Variants in FMO1 observed in about 807,000 individuals in gnomAD.
The protein encoded by FMO1 is flavin containing dimethylaniline monoxygenase 1.
FMO1 carries 36 observed loss-of-function variants against 45.4 expected under a neutral mutation model. That is an observed-to-expected ratio of 0.79 (90% CI 0.61 to 1.05). The LOEUF (loss-of-function observed/expected upper bound fraction) is 1.05, where lower values mean the gene tolerates loss of function less well. FMO1 is among the 50% of genes least tolerant of loss of function. The pLI is 0.00. For missense variants in FMO1, 615 were observed against 640.3 expected (o/e 0.96, Z 0.43); for synonymous variants, 228 against 227.2 (o/e 1.00, Z -0.03).
chr1:171,278,586 T>C (rs1661210996), intron 4 of FMO1, 143 bp from the exon 5 acceptor site: 1 of 567,326 alleles, frequency 1.8e-6, no homozygotes. Context: ...TAAAGTCATG[T>C]ATTCATATTT....
chr1:171,281,024 G>A (rs1345981299), intron 6 of FMO1, 39 bp downstream of exon 6: 6 of 1,566,224 alleles, frequency 3.8e-6, no homozygotes, highest in African/African-American at 1.4e-5. Context: ...TTAGGAAGAA[G>A]GAGCCTCTGC....
chr1:171,280,731 A>C (rs572238956), intron 5 of FMO1, 55 bp from the exon 6 acceptor site: 1 of 1,492,822 alleles, frequency 6.7e-7, no homozygotes, highest in African/African-American at 1.4e-5. Context: ...CTCTGGCAGA[A>C]CCAGCCAGCC....
chr1:171,281,172 T>G (rs1351430525), intron 6 of FMO1, among the ~76,000 whole-genome samples, 187 bp downstream of exon 6: 1 of 152,196 alleles, frequency 6.6e-6, no homozygotes, highest in Non-Finnish European at 1.5e-5. Context: ...TATTTCACCT[T>G]GTCAGCAACA....
intron 2 of FMO1, among the ~76,000 whole-genome samples, chr1:171,260,919 A>AAAT (rs1660355046): frequency 6.6e-6 from 1 of 150,810 alleles, no homozygotes; most frequent in Non-Finnish European, 1.5e-5. Flanking sequence ...TCTCAAAAAA[A>AAAT]AAAAAAAAAA....
At chr1:171,273,614 C>T (rs1660966888) in intron 3 of FMO1, among the ~76,000 whole-genome samples, 1 of 152,018 alleles carries the variant, frequency 6.6e-6, no homozygotes, top group South Asian at 2.1e-4. Context: ...CTCAAGAAAT[C>T]CTCCCACTTC....
chr1:171,278,637 C>T (rs751471414), intron 4 of FMO1, 92 bp from the exon 5 acceptor site: 6 of 976,968 alleles, frequency 6.1e-6, no homozygotes, highest in Non-Finnish European at 8.8e-6. Flanking sequence ...CCAAAATCAT[C>T]TGTCAAAAGA....
At chr1:171,272,389 C>A (rs1176280857) in intron 3 of FMO1, among the ~76,000 whole-genome samples, 1 of 152,192 alleles carries the variant, frequency 6.6e-6, no homozygotes, top group East Asian at 1.9e-4. Context: ...GTCAGAGTCC[C>A]CACACAGAGT....
intron 1 of FMO1, chr1:171,257,637 T>G (rs1205368009): frequency 2.0e-5 from 4 of 203,542 alleles, no homozygotes; most frequent in East Asian, 1.4e-4. Flanking sequence ...CTGTGTGGTG[T>G]TGTGTCAGGT....
intron 3 of FMO1, chr1:171,271,453 A>G: frequency 1.0e-6 from 1 of 987,286 alleles, no homozygotes; most frequent in Non-Finnish European, 1.6e-6. Context: ...CACCTCTCTG[A>G]GCCTTTCTTA....
At chr1:171,252,661 A>T (rs1312023439) in intron 1 of FMO1, among the ~76,000 whole-genome samples, 1 of 152,036 alleles carries the variant, frequency 6.6e-6, no homozygotes, top group African/African-American at 2.4e-5. Context: ...GGCTGCAGGG[A>T]CTTAACTTAC....
chr1:171,268,216 A>T (rs368443007), intron 3 of FMO1, among the ~76,000 whole-genome samples: 22 of 152,276 alleles, frequency 1.4e-4, no homozygotes, highest in African/African-American at 5.1e-4. Flanking sequence ...CCTCCCAAGT[A>T]GCTGGGAACA....
chr1:171,281,905 G>C, intron 6 of FMO1, 73 bp from the exon 7 acceptor site: 2 of 798,404 alleles, frequency 2.5e-6, no homozygotes, highest in South Asian at 3.6e-5. Flanking sequence ...AATGAGAGAG[G>C]GAGGTAAAGA....
At chr1:171,276,224 A>G (rs1558015058) in intron 4 of FMO1, among the ~76,000 whole-genome samples, 1 of 152,148 alleles carries the variant, frequency 6.6e-6, no homozygotes, top group Non-Finnish European at 1.5e-5. Context: ...TGATCCCAAG[A>G]CTCATCTTAC....
intron 1 of FMO1, 120 bp from the exon 2 acceptor site, chr1:171,257,962 C>G: frequency 2.7e-6 from 3 of 1,130,700 alleles, no homozygotes; most frequent in South Asian, 2.8e-5. Flanking sequence ...AGACCCGCTA[C>G]AGAAGATTCA....
chr1:171,271,128 T>G, intron 3 of FMO1: 1 of 887,502 alleles, frequency 1.1e-6, no homozygotes, highest in East Asian at 2.4e-5. Flanking sequence ...CCTTTTTGTA[T>G]TTTTCCTTTA....
chr1:171,279,811 A>G (rs1661280692), intron 5 of FMO1, among the ~76,000 whole-genome samples: 1 of 152,118 alleles, frequency 6.6e-6, no homozygotes, highest in African/African-American at 2.4e-5. Context: ...ATCTGAACCA[A>G]ATCTGCCATT....
At chr1:171,272,286 T>C (rs1007158134) in intron 3 of FMO1, among the ~76,000 whole-genome samples, 1 of 152,206 alleles carries the variant, frequency 6.6e-6, no homozygotes, top group East Asian at 1.9e-4. Flanking sequence ...ACAGGATGTA[T>C]GGAAATGCCT....
At position 171,274,401 on chromosome 1, in the gene FMO1, C is replaced by G. The variant is rs149901738; in HGVS notation, c.322-945C>G. ...TCAGCCTCCTGAGTAGCTGGGACTA[C>G]AGGCATGGGCCACCACACCTGGGTA... On this transcript the variant is annotated intron_variant, in intron 3 of 8. Coordinates refer to ENST00000617670, the MANE Select transcript of FMO1 (RefSeq NM_001282693.2). 9.9e-3 allele frequency among the ~76,000 whole-genome samples: 1,507 copies of G among 151,912 alleles called. 26 individuals are homozygous for G. Among genetic ancestry groups the G allele is most frequent in the African/African-American group, 0.033 (1,380 of 41,456 alleles).
In FMO1 at chr1:171,267,576, A is replaced by G; in HGVS notation, c.166A>G (p.Lys56Glu). 6.2e-7 allele frequency: 1 copy of G among 1,612,884 alleles called. No individual in the cohort carries two copies. ...TGAAGAAGGCAGAGCCAGTCTCTAC[A>G]AGTCTGTGGTTTCCAACAGCTGCAA... Reference protein sequence around the residue: ...HVEEGRASLYKSVVSNSCKEM... With the variant: ...HVEEGRASLYESVVSNSCKEM... Residue 56 changes from lysine to glutamate, a missense_variant, in exon 3 of 9, where the codon AAG becomes GAG. Physicochemically the swap from Lys to Glu is moderately conservative, Grantham distance 56 (BLOSUM62 1). Transcript: ENST00000617670.
Sources: allele counts gnomAD v4.1 joint callset (sites outside exome capture counted in the v4.1 genomes callset), GRCh38; gene constraint gnomAD v4.1.1; transcripts MANE v1.5; gene names NCBI Gene and HGNC (gene_info 2026-07-23, HGNC 2026-07-21).